LIN28B: variants seen among roughly 807,000 people sequenced by gnomAD.
LIN28B encodes lin-28 RNA binding posttranscriptional regulator B, also known as protein lin-28 homolog B.
LIN28B carries 5 observed loss-of-function variants against 21.9 expected under a neutral mutation model. That is an observed-to-expected ratio of 0.23 (90% CI 0.12 to 0.48). LIN28B has a LOEUF of 0.48. LIN28B is among the 20% of genes least tolerant of loss of function. The pLI is 0.98. For missense variants in LIN28B, 245 were observed against 310.5 expected, an observed-to-expected ratio of 0.79 and a Z score of 1.58; for synonymous variants, 109 against 111.3, an observed-to-expected ratio of 0.98 and a Z score of 0.13.
At chr6:105,049,720 CTCT>C (rs1771853926) in intron 3 of LIN28B, among the ~76,000 whole-genome samples, 1 of 152,064 alleles carries the variant, frequency 6.6e-6, no homozygotes, top group East Asian at 1.9e-4. Context: ...GGATAGTTAG[CTCT>C]TCTTGTTGAA....
At chr6:104,940,087 T>G (rs1778060589) in intron 2 of LIN28B, 1 of 161,708 alleles carries the variant, frequency 6.2e-6, no homozygotes, top group African/African-American at 2.4e-5. Context: ...ATCTTATTGT[T>G]TAGGAAAAGA....
chr6:104,977,590 C>T (rs1770126509), intron 2 of LIN28B, among the ~76,000 whole-genome samples: 1 of 151,692 alleles, frequency 6.6e-6, no homozygotes, highest in Non-Finnish European at 1.5e-5. Context: ...GTTGTTGAGA[C>T]AGACGATCAC....
At chr6:105,022,697 G>T (rs1314975541) in intron 2 of LIN28B, among the ~76,000 whole-genome samples, 2 of 152,104 alleles carry the variant, frequency 1.3e-5, no homozygotes, top group African/African-American at 2.4e-5. Flanking sequence ...TTTATGGCTG[G>T]CTTTGGGGAA....
chr6:105,077,940 C>G (rs1772468640), intron 3 of LIN28B, among the ~76,000 whole-genome samples: 1 of 152,112 alleles, frequency 6.6e-6, no homozygotes, highest in African/African-American at 2.4e-5. Flanking sequence ...AAGTGTTAAA[C>G]TTTTAAATTT....
chr6:104,973,646 G>T (rs772584544), intron 2 of LIN28B, among the ~76,000 whole-genome samples: 1 of 152,208 alleles, frequency 6.6e-6, no homozygotes, highest in Non-Finnish European at 1.5e-5. Flanking sequence ...GTTCCTTGAC[G>T]AAGAGTGTAG....
intron 3 of LIN28B, among the ~76,000 whole-genome samples, chr6:105,038,121 T>C (rs1771561073): frequency 6.6e-6 from 1 of 152,154 alleles, no homozygotes; most frequent in Non-Finnish European, 1.5e-5. Flanking sequence ...GCTCTAAAAT[T>C]TAAACTTCTA....
At chr6:104,983,323 A>C (rs554947336) in intron 2 of LIN28B, among the ~76,000 whole-genome samples, 53 of 152,282 alleles carry the variant, frequency 3.5e-4, no homozygotes, top group African/African-American at 1.2e-3. Context: ...TGGTGTAGGG[A>C]AGCTGAAATT....
chr6:105,023,419 A>T (rs867370716), intron 2 of LIN28B, among the ~76,000 whole-genome samples: 1 of 1,150 alleles, frequency 8.7e-4, no homozygotes, highest in African/African-American at 2.9e-3. Flanking sequence ...ATTATATATA[A>T]TATATATAAT....
chr6:105,039,533 A>G (rs1771590043), intron 3 of LIN28B, among the ~76,000 whole-genome samples: 1 of 152,164 alleles, frequency 6.6e-6, no homozygotes. Flanking sequence ...AAAACCATCA[A>G]ATGATATTAT....
chr6:105,014,556 C>T (rs1210440740), intron 2 of LIN28B, among the ~76,000 whole-genome samples: 1 of 152,180 alleles, frequency 6.6e-6, no homozygotes, highest in East Asian at 1.9e-4. Flanking sequence ...CTCCTGACCT[C>T]AGGTGATCTG....
chr6:104,949,943 G>A (rs1778201186), intron 2 of LIN28B, among the ~76,000 whole-genome samples: 1 of 152,078 alleles, frequency 6.6e-6, no homozygotes, highest in Admixed American at 6.5e-5. Context: ...ATGATTAAAT[G>A]TATTACCATT....
chr6:105,001,665 T>C (rs898857265), intron 2 of LIN28B, among the ~76,000 whole-genome samples: 3 of 152,000 alleles, frequency 2.0e-5, no homozygotes, highest in Admixed American at 2.0e-4. Context: ...GATGAACAAA[T>C]GAGTAGGGAA....
chr6:105,064,585 A>T (rs948153302), intron 3 of LIN28B, among the ~76,000 whole-genome samples: 4 of 152,338 alleles, frequency 2.6e-5, no homozygotes, highest in African/African-American at 9.6e-5. Context: ...TCAAACACAT[A>T]AAGAGAACTT....
chr6:104,966,016 A>G (rs923184169), intron 2 of LIN28B, among the ~76,000 whole-genome samples: 2 of 152,210 alleles, frequency 1.3e-5, no homozygotes, highest in African/African-American at 4.8e-5. Flanking sequence ...CAGTGTCTCA[A>G]TGGCCTATAA....
chr6:105,058,087 G>T, intron 3 of LIN28B: 1 of 406,306 alleles, frequency 2.5e-6, no homozygotes, highest in Non-Finnish European at 4.9e-6. Flanking sequence ...TTTGACTCCT[G>T]GCTTGACGGT....
chr6:105,007,047 T>C (rs1770832087), intron 2 of LIN28B, among the ~76,000 whole-genome samples: 1 of 152,232 alleles, frequency 6.6e-6, no homozygotes, highest in South Asian at 2.1e-4. Flanking sequence ...GATTTTATAA[T>C]ATACATATCT....
intron 2 of LIN28B, among the ~76,000 whole-genome samples, chr6:105,013,902 T>C (rs1005559102): frequency 6.6e-6 from 1 of 152,154 alleles, no homozygotes; most frequent in African/African-American, 2.4e-5. Flanking sequence ...GGATTGGTGG[T>C]GACGGGCCCT....
At chr6:105,054,645 G>T (rs1462413221) in intron 3 of LIN28B, among the ~76,000 whole-genome samples, 1 of 152,208 alleles carries the variant, frequency 6.6e-6, no homozygotes, top group Non-Finnish European at 1.5e-5. Flanking sequence ...GAGTGGGAGA[G>T]TGACAACCTG....
intron 2 of LIN28B, among the ~76,000 whole-genome samples, chr6:104,969,612 T>G (rs1769933181): frequency 2.6e-5 from 4 of 152,234 alleles, no homozygotes; most frequent in Admixed American, 2.6e-4. Context: ...ATTTGATGTA[T>G]ATACTTTAAA....
Sources: gnomAD v4.1 joint callset for allele counts (sites outside exome capture counted in the v4.1 genomes callset) on GRCh38, gnomAD v4.1.1 for gene constraint, MANE v1.5 for transcripts, NCBI Gene and HGNC (gene_info 2026-07-23, HGNC 2026-07-21) for gene names.